The following MNAT1 variants were observed in gnomAD, a reference collection of about 807,000 sequenced individuals.
The protein encoded by MNAT1 is CDK-activating kinase assembly factor MAT1.
MNAT1 carries 43 observed loss-of-function variants against 42.0 expected under a neutral mutation model. The ratio of observed to expected loss-of-function variants is 1.02; its 90% confidence interval spans 0.80 to 1.32. MNAT1 has a LOEUF of 1.32. Ranked by LOEUF, MNAT1 falls within the 40% of genes most tolerant of loss-of-function variation. The pLI is 0.00. For synonymous variants in MNAT1, 118 were observed against 120.0 expected (o/e 0.98, Z 0.11); for missense variants, 306 against 350.4 (o/e 0.87, Z 1.01).
At chr14:60,917,799 T>C (rs949803377) in intron 7 of MNAT1, among the ~76,000 whole-genome samples, 1 of 152,080 alleles carries the variant, frequency 6.6e-6, no homozygotes, top group Non-Finnish European at 1.5e-5. Flanking sequence ...ACTTTTTGTA[T>C]TTTTAATAGA....
At chr14:60,909,003 ATG>A (rs1213536774) in intron 7 of MNAT1, among the ~76,000 whole-genome samples, 3 of 152,090 alleles carry the variant, frequency 2.0e-5, no homozygotes, top group Non-Finnish European at 4.4e-5. Flanking sequence ...TGACTTTTTA[ATG>A]ATTGCCATTC....
At chr14:60,963,940 T>G (rs574864699) in intron 7 of MNAT1, among the ~76,000 whole-genome samples, 1 of 152,278 alleles carries the variant, frequency 6.6e-6, no homozygotes, top group African/African-American at 2.4e-5. Flanking sequence ...CTCTTGGTCT[T>G]GAGTGACAAG....
chr14:60,741,089 A>G (rs905757720), intron 1 of MNAT1, among the ~76,000 whole-genome samples: 1 of 152,120 alleles, frequency 6.6e-6, no homozygotes, highest in Non-Finnish European at 1.5e-5. Flanking sequence ...TCCTTTTATC[A>G]TTATGAAATG....
At chr14:60,757,970 G>GT (rs1224559794) in intron 1 of MNAT1, among the ~76,000 whole-genome samples, 1 of 152,112 alleles carries the variant, frequency 6.6e-6, no homozygotes, top group Non-Finnish European at 1.5e-5. Context: ...TACAATAATT[G>GT]TTATGATGAG....
chr14:60,799,704 A>G (rs572271858), intron 3 of MNAT1, among the ~76,000 whole-genome samples: 2 of 151,428 alleles, frequency 1.3e-5, no homozygotes, highest in South Asian at 2.1e-4. Flanking sequence ...AAAAAAATAT[A>G]TATATATATA....
intron 1 of MNAT1, among the ~76,000 whole-genome samples, chr14:60,741,505 A>C (rs919210033): frequency 1.3e-5 from 2 of 151,912 alleles, no homozygotes; most frequent in East Asian, 1.9e-4. Context: ...GATTACAGGC[A>C]CGGGCCACCA....
At chr14:60,929,306 A>G (rs1276742496) in intron 7 of MNAT1, among the ~76,000 whole-genome samples, 1 of 150,872 alleles carries the variant, frequency 6.6e-6, no homozygotes, top group Non-Finnish European at 1.5e-5. Context: ...TCAGCTTACC[A>G]ATTTTTTCTT....
intron 4 of MNAT1, chr14:60,808,634 T>C (rs2032452067): frequency 6.1e-6 from 2 of 327,592 alleles, no homozygotes; most frequent in Middle Eastern, 8.5e-4. Flanking sequence ...CAGCATTATG[T>C]TAGACTGTGC....
chr14:60,905,598 T>C (rs1383366992), intron 7 of MNAT1, among the ~76,000 whole-genome samples: 2 of 152,090 alleles, frequency 1.3e-5, no homozygotes, highest in Admixed American at 1.3e-4. Context: ...AGGGAGCCAG[T>C]GATGTGACTC....
At chr14:60,843,835 A>G (rs1314529788) in intron 6 of MNAT1, among the ~76,000 whole-genome samples, 4 of 152,046 alleles carry the variant, frequency 2.6e-5, no homozygotes, top group Non-Finnish European at 4.4e-5. Context: ...TTTTAAGGTA[A>G]TTTTTGTGTC....
intron 1 of MNAT1, among the ~76,000 whole-genome samples, chr14:60,788,038 C>T (rs1350560451): frequency 1.3e-5 from 2 of 152,158 alleles, no homozygotes. Context: ...TTTGAATTTG[C>T]TTTGCCCAGA....
At chr14:60,938,829 C>G (rs941185496) in intron 7 of MNAT1, among the ~76,000 whole-genome samples, 1 of 152,124 alleles carries the variant, frequency 6.6e-6, no homozygotes, top group Admixed American at 6.5e-5. Context: ...CCTTGTACCT[C>G]TGGTAGAATT....
chr14:60,749,339 A>C (rs1160690434), intron 1 of MNAT1, among the ~76,000 whole-genome samples: 2 of 152,218 alleles, frequency 1.3e-5, no homozygotes, highest in African/African-American at 4.8e-5. Flanking sequence ...GATCTAAAGT[A>C]GTAGTTCATT....
chr14:60,891,712 C>T (rs2034849248), intron 7 of MNAT1, among the ~76,000 whole-genome samples: 1 of 152,146 alleles, frequency 6.6e-6, no homozygotes, highest in Non-Finnish European at 1.5e-5. Flanking sequence ...CTTGGCCTCC[C>T]AAAGTGCTGG....
rs180710817 is a variant in MNAT1 at position 60,859,162 on chromosome 14, A to T, written c.688-20552A>T. Among the ~76,000 whole-genome samples, 65 of 152,328 alleles carry T rather than the reference A, an allele frequency of 4.3e-4. No individual in the cohort carries two copies. The East Asian group carries it at 0.011, about 26-fold the overall frequency. The stretch of plus-strand genomic sequence containing the variant: ...CCTTGTCACATATATTTCATCTGTC[A>T]TTCATGTAAGGTGTATACTTCAGTG... On this transcript the variant is annotated intron_variant, in intron 6 of 7. Transcript: ENST00000261245.
At chr14:60,746,466 G>C (rs1433515471) in intron 1 of MNAT1, among the ~76,000 whole-genome samples, 1 of 150,536 alleles carries the variant, frequency 6.6e-6, no homozygotes, top group Non-Finnish European at 1.5e-5. Context: ...AGTGAGCCGA[G>C]ACCGCACCAC....
At chr14:60,747,877 A>C (rs566313768) in intron 1 of MNAT1, among the ~76,000 whole-genome samples, 1 of 152,338 alleles carries the variant, frequency 6.6e-6, no homozygotes, top group African/African-American at 2.4e-5. Flanking sequence ...TCCTTATTCT[A>C]TAAGACTTAA....
intron 7 of MNAT1, among the ~76,000 whole-genome samples, chr14:60,884,822 A>G (rs1388113998): frequency 6.6e-6 from 1 of 151,968 alleles, no homozygotes; most frequent in Admixed American, 6.6e-5. Flanking sequence ...CATATTGCTC[A>G]TTAATGTTCT....
intron 7 of MNAT1, among the ~76,000 whole-genome samples, chr14:60,929,619 G>A (rs1363892882): frequency 6.6e-6 from 1 of 152,040 alleles, no homozygotes; most frequent in Non-Finnish European, 1.5e-5. Context: ...TATAAGCAAA[G>A]CTTTTTGATT....
Sources: gnomAD v4.1 joint callset for allele counts (sites outside exome capture counted in the v4.1 genomes callset) on GRCh38, gnomAD v4.1.1 for gene constraint, MANE v1.5 for transcripts, NCBI Gene and HGNC (gene_info 2026-07-23, HGNC 2026-07-21) for gene names.